ADAM18: variants seen among roughly 807,000 people sequenced by gnomAD.
ADAM18 encodes the protein disintegrin and metalloproteinase domain-containing protein 18.
ADAM18 carries 117 observed loss-of-function variants against 94.4 expected under a neutral mutation model. That is an observed-to-expected ratio of 1.24 (90% confidence interval 1.07 to 1.45). The LOEUF (loss-of-function observed/expected upper bound fraction) is 1.45, where lower values mean the gene tolerates loss of function less well. ADAM18 is among the 40% of genes most tolerant of loss of function. ADAM18 has a pLI of 0.00. For synonymous variants in ADAM18, 327 were observed against 291.6 expected, an observed-to-expected ratio of 1.12 and a Z score of -1.24; for missense variants, 936 against 880.0, an observed-to-expected ratio of 1.06 and a Z score of -0.81.
chr8:39,716,210 T>C (rs373799135), intron 18 of ADAM18, among the ~76,000 whole-genome samples: 179 of 152,144 alleles, frequency 1.2e-3, no homozygotes, highest in African/African-American at 4.2e-3. Context: ...TCTGCTCTAA[T>C]ACTTGCTATT....
At chr8:39,729,461 T>G (rs1823012446) in intron 19 of ADAM18, among the ~76,000 whole-genome samples, 1 of 152,176 alleles carries the variant, frequency 6.6e-6, no homozygotes, top group African/African-American at 2.4e-5. Flanking sequence ...ATGTGTGAAC[T>G]TCATATTAAT....
rs60393507 is a variant in ADAM18, at chr8:39,623,635, C to T, written c.523-5739C>T. Among the ~76,000 whole-genome samples, 101 of 152,062 alleles carry T rather than the reference C, an allele frequency of 6.6e-4. 2 individuals are homozygous for T. In the East Asian group the frequency reaches 0.019, roughly 28 times the overall value. Reference sequence around the variant, plus strand: ...GTTTTGAGACGGAGTCTCGCTCTGTCGCCCAGGCTGGAGTGCAGTGGGGTG... The same window carrying T: ...GTTTTGAGACGGAGTCTCGCTCTGTTGCCCAGGCTGGAGTGCAGTGGGGTG... On this transcript the variant is annotated intron_variant, in intron 6 of 19. Transcript: ENST00000265707.
At chr8:39,614,314 T>C (rs1218145758) in intron 6 of ADAM18, among the ~76,000 whole-genome samples, 1 of 152,232 alleles carries the variant, frequency 6.6e-6, no homozygotes, top group African/African-American at 2.4e-5. Flanking sequence ...TGAGAGCCTA[T>C]ATTCAGCATT....
chr8:39,651,460 C>A (rs1485887817), intron 12 of ADAM18, among the ~76,000 whole-genome samples: 1 of 152,166 alleles, frequency 6.6e-6, no homozygotes, highest in Non-Finnish European at 1.5e-5. Context: ...GAGGTCCCTG[C>A]GGCCTTCCGC....
intron 6 of ADAM18, among the ~76,000 whole-genome samples, chr8:39,623,504 C>T (rs1483885853): frequency 1.8e-5 from 1 of 54,504 alleles, no homozygotes; most frequent in African/African-American, 7.1e-5. Context: ...ACCACATGCA[C>T]ACATTTTTTT....
intron 18 of ADAM18, among the ~76,000 whole-genome samples, chr8:39,712,909 T>C (rs955292868): frequency 2.0e-5 from 3 of 152,196 alleles, no homozygotes; most frequent in Non-Finnish European, 4.4e-5. Context: ...AAGCTACCAA[T>C]GAGTTTCTTC....
intron 16 of ADAM18, among the ~76,000 whole-genome samples, chr8:39,682,667 T>C (rs558459612): frequency 1.3e-5 from 2 of 152,354 alleles, no homozygotes; most frequent in South Asian, 4.1e-4. Flanking sequence ...AATTAAAATA[T>C]CTATAAGTTA....
intron 2 of ADAM18, among the ~76,000 whole-genome samples, chr8:39,585,975 G>A (rs1417831719): frequency 6.6e-6 from 1 of 152,084 alleles, no homozygotes; most frequent in Admixed American, 6.5e-5. Context: ...GATTTAAAAT[G>A]TTTTATTTTA....
chr8:39,686,662 G>A (rs370538368), intron 16 of ADAM18, among the ~76,000 whole-genome samples: 293 of 152,206 alleles, frequency 1.9e-3, no homozygotes, highest in African/African-American at 6.9e-3. Flanking sequence ...ACTATAGCTT[G>A]TTTATCTCTT....
intron 2 of ADAM18, among the ~76,000 whole-genome samples, chr8:39,600,149 T>G (rs190762444): frequency 1.6e-4 from 25 of 152,292 alleles, no homozygotes; most frequent in Admixed American, 1.6e-3. Context: ...TTGTAAATTT[T>G]TTTAAAGCAC....
intron 17 of ADAM18, among the ~76,000 whole-genome samples, chr8:39,699,697 G>T (rs889097966): frequency 2.6e-5 from 4 of 152,074 alleles, no homozygotes; most frequent in Non-Finnish European, 4.4e-5. Context: ...ATACAAGTGT[G>T]CCACAAGGTA....
chr8:39,587,700 C>T (rs945654120), intron 2 of ADAM18, among the ~76,000 whole-genome samples: 1 of 152,170 alleles, frequency 6.6e-6, no homozygotes. Context: ...CCAGACTCGG[C>T]CTCCCAAAGT....
chr8:39,637,501 G>T, intron 8 of ADAM18, 36 bp from the exon 9 acceptor site: 1 of 1,521,196 alleles, frequency 6.6e-7, no homozygotes, highest in South Asian at 1.3e-5. Flanking sequence ...GTAATAACTT[G>T]TTTCTTTAAA....
intron 12 of ADAM18, among the ~76,000 whole-genome samples, chr8:39,662,505 T>G (rs1462308280): frequency 6.6e-6 from 1 of 152,226 alleles, no homozygotes; most frequent in Non-Finnish European, 1.5e-5. Context: ...AAACTAGATC[T>G]CTGAGTAAAT....
chr8:39,714,470 A>G (rs1202363625), intron 18 of ADAM18, among the ~76,000 whole-genome samples: 8 of 152,122 alleles, frequency 5.3e-5, no homozygotes, highest in Non-Finnish European at 1.0e-4. Flanking sequence ...CTGTCAGAGT[A>G]TATCAGAAGA....
intron 18 of ADAM18, among the ~76,000 whole-genome samples, chr8:39,714,183 C>T (rs1822503361): frequency 2.0e-5 from 3 of 152,088 alleles, no homozygotes; most frequent in African/African-American, 7.2e-5. Flanking sequence ...AGCAAACTAT[C>T]ACAGGACAGA....
At chr8:39,691,054 C>T (rs1821761707) in intron 16 of ADAM18, among the ~76,000 whole-genome samples, 1 of 152,074 alleles carries the variant, frequency 6.6e-6, no homozygotes, top group African/African-American at 2.4e-5. Flanking sequence ...TTTGCAGAAA[C>T]ATGAATGAAG....
intron 11 of ADAM18, 42 bp downstream of exon 11, chr8:39,645,516 G>C (rs1185390405): frequency 6.4e-7 from 1 of 1,550,406 alleles, no homozygotes; most frequent in Non-Finnish European, 8.7e-7. Flanking sequence ...ATTTTTATAA[G>C]GTTGTTTCCA....
intron 6 of ADAM18, among the ~76,000 whole-genome samples, chr8:39,611,963 T>G (rs369632212): frequency 7.9e-5 from 12 of 152,088 alleles, no homozygotes; most frequent in African/African-American, 2.9e-4. Flanking sequence ...AAAAAATCAC[T>G]TAACCACAAA....
Sources: allele counts gnomAD v4.1 joint callset (sites outside exome capture counted in the v4.1 genomes callset), GRCh38; gene constraint gnomAD v4.1.1; transcripts MANE v1.5; gene names NCBI Gene and HGNC (gene_info 2026-07-23, HGNC 2026-07-21).